Variants in NR1D2 observed in about 807,000 individuals in gnomAD.
NR1D2 encodes nuclear receptor subfamily 1 group D member 2, also known as V-erbA-related protein 1-related.
Under a neutral mutation model 52.2 loss-of-function variants are expected in NR1D2, and 25 were observed. That is an observed-to-expected ratio of 0.48 (90% CI 0.35 to 0.67). The LOEUF (loss-of-function observed/expected upper bound fraction) is 0.67, where lower values mean the gene tolerates loss of function less well. NR1D2 is among the 30% of genes least tolerant of loss of function. The pLI is 0.01. For synonymous variants in NR1D2, 259 were observed against 230.1 expected (o/e 1.13, Z -1.14); for missense variants, 681 against 707.2 (o/e 0.96, Z 0.42).
intron 7 of NR1D2, among the ~76,000 whole-genome samples, chr3:23,973,498 T>C (rs969483416): frequency 6.6e-6 from 1 of 152,194 alleles, no homozygotes; most frequent in Non-Finnish European, 1.5e-5. Flanking sequence ...TAAAAGCTGG[T>C]ATACTTGTGT....
chr3:23,947,307 G>C (rs1705761751), intron 1 of NR1D2, among the ~76,000 whole-genome samples: 1 of 152,156 alleles, frequency 6.6e-6, no homozygotes, highest in Non-Finnish European at 1.5e-5. Context: ...TCTAAATCTT[G>C]CCTCGTGGAG....
Position 23,965,020 on chromosome 3 carries a change from C to T in NR1D2, c.1190C>T (p.Ser397Leu), listed in dbSNP as rs1706400877. ...TCTCCATATGTGGATCCTCATAAAT[C>T]AGGACATGAAATCTGGGAAGAATTT... ...SKSPYVDPHKSGHEIWEEFSM... is the reference protein window; with the variant it reads ...SKSPYVDPHKLGHEIWEEFSM... The change falls in exon 6 of 8, where the codon TCA becomes TTA. Residue 397 changes from serine (S) to leucine (L), a missense_variant. By Grantham distance (145) the Ser-to-Leu change is moderately radical. This residue lies in a region of NR1D2 where 475 missense variants were observed against 454.5 expected (regional missense o/e 1.05). Transcript: ENST00000312521. 1.9e-6 allele frequency: 3 copies of T among 1,613,448 alleles called. No homozygotes were observed. Among genetic ancestry groups the T allele is most frequent in the African/African-American group, 1.3e-5 (1 of 74,846 alleles).
chr3:23,960,395 A>G (rs954753500), intron 4 of NR1D2, among the ~76,000 whole-genome samples: 1 of 151,938 alleles, frequency 6.6e-6, no homozygotes, highest in Non-Finnish European at 1.5e-5. Context: ...ACACGGTGAC[A>G]CTCTGTCTCA....
In NR1D2 at chr3:23,945,468, C is replaced by T; in HGVS notation, c.-111C>T. 2 of 584,482 alleles carry T rather than the reference C, an allele frequency of 3.4e-6. No homozygotes were observed. The highest frequency in any genetic ancestry group is 4.5e-6 in the Non-Finnish European group (2 of 447,656). The allele number at this position is 584,482 out of a possible 1,614,324, so 36.2% of individuals were successfully genotyped here. ...CCGCCCGCTCTGCCCATGAGGGGGC[C>T]CCGCGACCACCGCTGCTTCCAGCCC... On this transcript the variant is annotated 5_prime_UTR_variant, in exon 1 of 8. Coordinates refer to ENST00000312521, the MANE Select transcript of NR1D2 (RefSeq NM_005126.5).
intron 7 of NR1D2, among the ~76,000 whole-genome samples, chr3:23,973,507 G>A (rs1706644568): frequency 6.6e-6 from 1 of 152,208 alleles, no homozygotes; most frequent in Admixed American, 6.5e-5. Context: ...GTATACTTGT[G>A]TAGGGCATTT....
At chr3:23,950,384 T>C (rs1226207488) in intron 1 of NR1D2, among the ~76,000 whole-genome samples, 1 of 152,250 alleles carries the variant, frequency 6.6e-6, no homozygotes, top group African/African-American at 2.4e-5. Context: ...AATGATTTGA[T>C]GAAAGTTAAT....
chr3:23,967,233 G>A (rs1706471095), intron 6 of NR1D2, among the ~76,000 whole-genome samples: 1 of 152,182 alleles, frequency 6.6e-6, no homozygotes, highest in Non-Finnish European at 1.5e-5. Context: ...TGAGGCAGGA[G>A]AATCGCTTGA....
At chr3:23,973,332 C>T (rs1706640315) in intron 7 of NR1D2, among the ~76,000 whole-genome samples, 1 of 152,198 alleles carries the variant, frequency 6.6e-6, no homozygotes, top group African/African-American at 2.4e-5. Context: ...CTACTACACA[C>T]CTGGGTTTTA....
At chr3:23,971,135 G>C (rs1706577479) in intron 7 of NR1D2, among the ~76,000 whole-genome samples, 1 of 151,908 alleles carries the variant, frequency 6.6e-6, no homozygotes, top group South Asian at 2.1e-4. Flanking sequence ...GCAGGAAAAT[G>C]AAATTCAAAC....
chr3:23,954,957 A>G (rs1706043730), intron 2 of NR1D2, among the ~76,000 whole-genome samples, 154 bp downstream of exon 2: 1 of 152,224 alleles, frequency 6.6e-6, no homozygotes, highest in African/African-American at 2.4e-5. Flanking sequence ...GAAATCAGTG[A>G]TGATGATAGA....
chr3:23,955,677 G>C (rs1706063176), intron 2 of NR1D2, among the ~76,000 whole-genome samples: 1 of 152,082 alleles, frequency 6.6e-6, no homozygotes. Flanking sequence ...AATTAGCTGG[G>C]TGTGGTGGTG....
At chr3:23,970,237 C>G (rs1229497034) in intron 7 of NR1D2, among the ~76,000 whole-genome samples, 3 of 152,008 alleles carry the variant, frequency 2.0e-5, no homozygotes, top group Non-Finnish European at 4.4e-5. Flanking sequence ...GTGAACTCTT[C>G]TAAAATAAAT....
rs1340302501 is a variant in NR1D2, at chr3:23,978,537, C to T, written c.*1118C>T. On this transcript the variant is annotated 3_prime_UTR_variant, in exon 8 of 8. Transcript: ENST00000312521. Reference sequence around the variant, plus strand: ...TTCATCTTTGGCAAAATCTTTGGTTCAGGGTACTAGTTGTTTAAAAGTTGA... The same window carrying T: ...TTCATCTTTGGCAAAATCTTTGGTTTAGGGTACTAGTTGTTTAAAAGTTGA... The T allele has an allele frequency of 6.6e-6, 1 of 151,514 alleles. No homozygotes were observed. Among genetic ancestry groups the T allele is most frequent in the Non-Finnish European group, 1.5e-5 (1 of 67,914 alleles). 9.4% of individuals were successfully genotyped at this position (151,514 alleles called of 1,614,324 possible).
chr3:23,964,952 A>G, intron 5 of NR1D2, 25 bp from the exon 6 acceptor site: 1 of 1,499,714 alleles, frequency 6.7e-7, no homozygotes, highest in Non-Finnish European at 9.1e-7. Context: ...AGTATTTAAG[A>G]GTTTTTCCGT....
rs931208543 is a variant in NR1D2, at chr3:23,946,364, G to T, written c.16+770G>T. 4.8e-5 allele frequency: 44 copies of T among 919,790 alleles called. No homozygotes were observed. In the Admixed American group the frequency reaches 2.7e-3, roughly 57 times the overall value. The allele number at this position is 919,790 out of a possible 1,614,324, so 57.0% of individuals were successfully genotyped here. A position where few individuals can be genotyped will look rare whatever the true frequency, so the allele number is the denominator to read the frequency against. On this transcript the variant is annotated intron_variant, in intron 1 of 7. Transcript: ENST00000312521. ...AGGAAGTGCAGGACGAGGGCGTGCTGCAGGCCGGAGGAGGCGCCTCGGGGA... is the reference window on the plus strand; with the variant it reads ...AGGAAGTGCAGGACGAGGGCGTGCTTCAGGCCGGAGGAGGCGCCTCGGGGA...
At chr3:23,946,225 C>T (rs192223837) in intron 1 of NR1D2, 7 of 985,378 alleles carry the variant, frequency 7.1e-6, no homozygotes, top group African/African-American at 3.5e-5. Context: ...CACCGCAGTG[C>T]ACCGGACGCC....
intron 1 of NR1D2, among the ~76,000 whole-genome samples, chr3:23,953,721 C>A (rs1461758798): frequency 6.6e-6 from 1 of 152,162 alleles, no homozygotes; most frequent in Non-Finnish European, 1.5e-5. Context: ...ACCTTATCTA[C>A]CATTCTAAAT....
intron 3 of NR1D2, 109 bp from the exon 4 acceptor site, chr3:23,959,562 T>C (rs570381114): frequency 2.1e-6 from 2 of 947,940 alleles, no homozygotes; most frequent in East Asian, 2.5e-5. Flanking sequence ...GTGAGTCATA[T>C]ACTGGGACTG....
Position 23,962,058 on chromosome 3 carries a change from A to G in NR1D2, c.599A>G (p.Asn200Ser). Residue 200 changes from asparagine to serine, a missense_variant, in exon 5 of 8, where the codon AAC becomes AGC. By Grantham distance (46) the Asn-to-Ser change is conservative. Coordinates refer to ENST00000312521, the MANE Select transcript of NR1D2 (RefSeq NM_005126.5). The part of the protein sequence containing the change: ...EMQSAMKTMM[N>S]SQFSGHLQND... ...CAAAGTGCAATGAAGACCATGATGA[A>G]CAGCCAGTTCAGTGGTCACTTGCAA... 6.2e-7 allele frequency: 1 copy of G among 1,614,216 alleles called. No homozygotes were observed. Among genetic ancestry groups the G allele is most frequent in the Non-Finnish European group, 8.5e-7 (1 of 1,180,034 alleles).
Sources: gnomAD v4.1 joint callset for allele counts (sites outside exome capture counted in the v4.1 genomes callset) on GRCh38, gnomAD v4.1.1 for gene constraint, gnomAD v4.1.1 regional missense constraint, MANE v1.5 for transcripts, NCBI Gene and HGNC (gene_info 2026-07-23, HGNC 2026-07-21) for gene names.